Variants in SH3PXD2B observed in about 807,000 individuals in gnomAD.
The protein encoded by SH3PXD2B is SH3 and PX domain-containing protein 2B.
Under a neutral mutation model 73.1 loss-of-function variants are expected in SH3PXD2B, and 37 were observed. The observed-to-expected ratio is 0.51, with a 90% confidence interval of 0.39 to 0.67. The LOEUF (loss-of-function observed/expected upper bound fraction) is 0.67, where lower values mean the gene tolerates loss of function less well. Ranked by LOEUF, SH3PXD2B falls within the 30% of genes least tolerant of loss-of-function variation. The pLI is 0.00. For missense variants in SH3PXD2B, 1,053 were observed against 1,197.8 expected (o/e 0.88, Z 1.78); for synonymous variants, 457 against 480.5 (o/e 0.95, Z 0.64).
chr5:172,344,444 C>T (rs1199731858), intron 12 of SH3PXD2B, among the ~76,000 whole-genome samples: 6 of 151,842 alleles, frequency 4.0e-5, no homozygotes, highest in Non-Finnish European at 7.4e-5. Flanking sequence ...AAAAATCAGC[C>T]GGGCGTCATG....
intron 4 of SH3PXD2B, among the ~76,000 whole-genome samples, chr5:172,390,218 A>T (rs1758150656): frequency 6.6e-6 from 1 of 152,180 alleles, no homozygotes; most frequent in Admixed American, 6.5e-5. Context: ...TACCACCCCC[A>T]GGTCTGGGAA....
At position 172,406,178 on chromosome 5, in the gene SH3PXD2B, C is replaced by G. The variant is rs867132809; in HGVS notation, c.232+99G>C. On this transcript the variant is annotated intron_variant, in intron 3 of 12. Transcript: ENST00000311601. ...AGATTCTGGTCAGTGGGATGGTGTC[C>G]CCTGATAAAGGAAGACAAGCTGATA... 1.9e-5 allele frequency: 25 copies of G among 1,308,080 alleles called. No homozygotes were observed. The Middle Eastern group carries it at 1.5e-3, about 78-fold the overall frequency. The allele number at this position is 1,308,080 out of a possible 1,614,324, so 81.0% of individuals were successfully genotyped here.
downstream of SH3PXD2B, among the ~76,000 whole-genome samples, chr5:172,331,247 A>T (rs1756549316): frequency 6.6e-6 from 1 of 152,152 alleles, no homozygotes; most frequent in South Asian, 2.1e-4. Context: ...ACAGAATATA[A>T]TTTTTGAACA....
chr5:172,336,250 C>T lies in SH3PXD2B; in HGVS notation c.*2119G>A, dbSNP rs1049388235. 5 of 985,370 alleles carry T rather than the reference C, an allele frequency of 5.1e-6. No homozygotes were observed. The highest frequency in any genetic ancestry group is 1.7e-5 in the African/African-American group (1 of 57,260). The allele number at this position is 985,370 out of a possible 1,614,324, so 61.0% of individuals were successfully genotyped here. A position where few individuals can be genotyped will look rare whatever the true frequency, so the allele number is the denominator to read the frequency against. ...TGCAGTCAAATCTCACATAGCTTCACAAAAGTTGTTTAAACCAAAGTGGAT... is the reference window on the plus strand; with the variant it reads ...TGCAGTCAAATCTCACATAGCTTCATAAAAGTTGTTTAAACCAAAGTGGAT... On this transcript the variant is annotated 3_prime_UTR_variant, in exon 13 of 13. Transcript: ENST00000311601.
intron 1 of SH3PXD2B, among the ~76,000 whole-genome samples, chr5:172,432,664 C>T (rs2731682): frequency 0.25 from 37,600 of 152,052 alleles, 5,463 homozygotes; most frequent in Non-Finnish European, 0.33. Context: ...CGCCTGTAAT[C>T]CCAGCATTTT....
At chr5:172,454,152 C>G (rs1405453488) in intron 1 of SH3PXD2B, 126 bp downstream of exon 1, 1 of 645,862 alleles carries the variant, frequency 1.5e-6, no homozygotes, top group African/African-American at 2.0e-5. Context: ...CGCCGCAGAG[C>G]CGAGGGGAGA....
Position 172,364,499 on chromosome 5 carries a change from T to C in SH3PXD2B, c.428-1630A>G, listed in dbSNP as rs568920046. Among the ~76,000 whole-genome samples, 8 of 152,088 alleles carry C rather than the reference T, an allele frequency of 5.3e-5. No individual in the cohort carries two copies. The East Asian group carries it at 1.4e-3, about 26-fold the overall frequency. ...GGCCAACATAGCGAAACCCCGTCTC[T>C]ACTAAAAATACAAAAAGGAGCTGGG... On this transcript the variant is annotated intron_variant, in intron 6 of 12. Coordinates refer to ENST00000311601, the MANE Select transcript of SH3PXD2B (RefSeq NM_001017995.3).
rs929522157 is a variant in SH3PXD2B, at chr5:172,449,601, G to A, written c.75+4677C>T. Reference sequence around the variant, plus strand: ...CAAAGGACAAAAACTGGTAATTCACGGAAGAGGAAACTCAGATAGCCGATA... The same window carrying A: ...CAAAGGACAAAAACTGGTAATTCACAGAAGAGGAAACTCAGATAGCCGATA... On this transcript the variant is annotated intron_variant, in intron 1 of 12. Transcript: ENST00000311601. Among the ~76,000 whole-genome samples, 7 of 152,270 alleles carry A rather than the reference G, an allele frequency of 4.6e-5. No homozygotes were observed. In the East Asian group the frequency reaches 9.6e-4, roughly 21 times the overall value.
At chr5:172,403,857 A>G (rs1289324271) in intron 3 of SH3PXD2B, among the ~76,000 whole-genome samples, 1 of 152,242 alleles carries the variant, frequency 6.6e-6, no homozygotes, top group Non-Finnish European at 1.5e-5. Flanking sequence ...TGCCTTTACC[A>G]ATAATCTACT....
chr5:172,350,520 C>G lies in SH3PXD2B; in HGVS notation c.855G>C (p.Pro285=), dbSNP rs764870114. 6.2e-7 allele frequency: 1 copy of G among 1,613,886 alleles called. No homozygotes were observed. The highest frequency in any genetic ancestry group is 8.5e-7 in the Non-Finnish European group (1 of 1,179,970). The change falls in exon 10 of 13, where the codon CCG becomes CCC. Residue 285 remains proline (P), a synonymous_variant. Transcript: ENST00000311601. Reference sequence around the variant, plus strand: ...GGGAGGGTGAGCCAGGGCCTGGCTTCGGGGGCAAGGGCTCCCCACTGTTCT... The same window carrying G: ...GGGAGGGTGAGCCAGGGCCTGGCTTGGGGGGCAAGGGCTCCCCACTGTTCT... ...LKKNSGEPLP[P]KPGPGSPSHP...
rs1757209653 is a variant in SH3PXD2B, at chr5:172,353,755, T to A, written c.785+133A>T. On this transcript the variant is annotated intron_variant, in intron 9 of 12. Coordinates refer to ENST00000311601, the MANE Select transcript of SH3PXD2B (RefSeq NM_001017995.3). This position sits in a 1 kb window ranked among gnomAD's most constrained non-coding sequence, Gnocchi z 4.3. ...ACAACACAGAGGAGAAGTATCCTTT[T>A]ATGGTTCAGGCGGAAACTTCGCCCA... 1 of 768,506 alleles carries A rather than the reference T, an allele frequency of 1.3e-6. No homozygotes were observed. Among genetic ancestry groups the A allele is most frequent in the African/African-American group, 1.7e-5 (1 of 58,976 alleles). The allele number at this position is 768,506 out of a possible 1,614,324, so 47.6% of individuals were successfully genotyped here.
At chr5:172,379,584 C>T (rs921361819) in intron 5 of SH3PXD2B, among the ~76,000 whole-genome samples, 2 of 152,178 alleles carry the variant, frequency 1.3e-5, no homozygotes, top group African/African-American at 4.8e-5. Context: ...TCAGGCTGGG[C>T]ATCTTGATCA....
chr5:172,422,366 A>G, intron 2 of SH3PXD2B, 50 bp downstream of exon 2: 2 of 1,495,832 alleles, frequency 1.3e-6, no homozygotes, highest in Admixed American at 1.9e-5. Context: ...ATGTAAGTCC[A>G]ATTAAACTCT....
Position 172,338,052 on chromosome 5 carries a change from G to A in SH3PXD2B, c.*317C>T, listed in dbSNP as rs905129807. 7 of 1,286,482 alleles carry A rather than the reference G, an allele frequency of 5.4e-6. No homozygotes were observed. In the African/African-American group the frequency reaches 6.0e-5, roughly 11 times the overall value. The allele number at this position is 1,286,482 out of a possible 1,614,324, so 79.7% of individuals were successfully genotyped here. A position where few individuals can be genotyped will look rare whatever the true frequency, so the allele number is the denominator to read the frequency against. ...AATGGGATCCAGTCCTGGAGGTCTT[G>A]GAGAGTCTTGGTCCCACTGCTGGGT... On this transcript the variant is annotated 3_prime_UTR_variant, in exon 13 of 13. Transcript: ENST00000311601. The surrounding 1 kb of genome is among the most constrained non-coding windows in gnomAD (Gnocchi z 5.1).
chr5:172,350,710 C>A, intron 9 of SH3PXD2B, 121 bp from the exon 10 acceptor site: 1 of 945,048 alleles, frequency 1.1e-6, no homozygotes, highest in Admixed American at 2.1e-5. Context: ...TGTGACTGCC[C>A]AGGGCAAGAG....
intron 1 of SH3PXD2B, among the ~76,000 whole-genome samples, chr5:172,435,239 C>G (rs886576658): frequency 2.6e-5 from 4 of 152,086 alleles, no homozygotes; most frequent in Non-Finnish European, 5.9e-5. Flanking sequence ...TAGTAGACAG[C>G]TAAAATTTCC....
chr5:172,367,314 C>T (rs1456983950), intron 6 of SH3PXD2B, among the ~76,000 whole-genome samples: 1 of 151,606 alleles, frequency 6.6e-6, no homozygotes, highest in Non-Finnish European at 1.5e-5. Flanking sequence ...AAGGTGAAGT[C>T]CCTGTGATGG....
At position 172,413,100 on chromosome 5, in the gene SH3PXD2B, C is replaced by T. The variant is rs192914720; in HGVS notation, c.157-6748G>A. Among the ~76,000 whole-genome samples the T allele has an allele frequency of 2.0e-5, 3 of 152,306 alleles. No individual in the cohort carries two copies. The South Asian group carries it at 6.2e-4, about 32-fold the overall frequency. On this transcript the variant is annotated intron_variant, in intron 2 of 12. Coordinates refer to ENST00000311601, the MANE Select transcript of SH3PXD2B (RefSeq NM_001017995.3). ...TGAGGCTGGACTTGGGAGGGGTTTA[C>T]CCCCTCAATATCACAAAACCCCCAA...
intron 1 of SH3PXD2B, among the ~76,000 whole-genome samples, chr5:172,448,046 G>A (rs537760805): frequency 3.3e-5 from 5 of 152,296 alleles, no homozygotes; most frequent in Admixed American, 6.5e-5. Flanking sequence ...AGCAATAGTC[G>A]TTAAAGAAAA....
Sources: allele counts gnomAD v4.1 joint callset (sites outside exome capture counted in the v4.1 genomes callset), GRCh38; gene constraint gnomAD v4.1.1; non-coding constraint Gnocchi (gnomAD v3.1); transcripts MANE v1.5; gene names NCBI Gene and HGNC (gene_info 2026-07-23, HGNC 2026-07-21).